The following PGM5 variants were observed in gnomAD, a reference collection of about 807,000 sequenced individuals.
PGM5 encodes the protein phosphoglucomutase 5.
A neutral mutation model predicts 59.2 loss-of-function variants in PGM5; 23 were observed. The observed-to-expected ratio is 0.39, with a 90% confidence interval of 0.28 to 0.55. The LOEUF (loss-of-function observed/expected upper bound fraction) is 0.55, where lower values mean the gene tolerates loss of function less well. PGM5 is among the 20% of genes least tolerant of loss of function. PGM5 has a pLI of 0.66. For missense variants in PGM5, 574 were observed against 748.3 expected (o/e 0.77, Z 2.72); for synonymous variants, 214 against 286.0 (o/e 0.75, Z 2.54).
At chr9:68,403,665 G>A (rs1822726298) in intron 6 of PGM5, among the ~76,000 whole-genome samples, 1 of 152,106 alleles carries the variant, frequency 6.6e-6, no homozygotes, top group Admixed American at 6.6e-5. Flanking sequence ...GTCAATATTG[G>A]TACCAGATTA....
chr9:68,523,246 C>A lies in PGM5; in HGVS notation c.1615-6321C>A, dbSNP rs528114319. ...AGCCTGGGTTTGGGCTGGAGCAAAG[C>A]ATTTGACAGGCACAATAATTAGAGT... is the stretch of plus-strand genomic sequence containing the variant. On this transcript the variant is annotated intron_variant, in intron 10 of 10. Transcript: ENST00000396396. 9.9e-5 allele frequency among the ~76,000 whole-genome samples: 15 copies of A among 152,278 alleles called. No homozygotes were observed. In the East Asian group the frequency reaches 2.9e-3, roughly 29 times the overall value.
intron 6 of PGM5, among the ~76,000 whole-genome samples, chr9:68,410,196 G>GA (rs1422218313): frequency 6.6e-6 from 1 of 152,248 alleles, no homozygotes; most frequent in African/African-American, 2.4e-5. Context: ...GAGATTCATG[G>GA]AAGTGGATAG....
chr9:68,436,960 T>C (rs571847222), intron 6 of PGM5, among the ~76,000 whole-genome samples: 1 of 152,328 alleles, frequency 6.6e-6, no homozygotes, highest in Admixed American at 6.5e-5. Flanking sequence ...ATCAGCTAAG[T>C]GAACCAGCTT....
chr9:68,383,740 TAAAAAAAA>T (rs61055122), intron 2 of PGM5, among the ~76,000 whole-genome samples: 1 of 106,302 alleles, frequency 9.4e-6, no homozygotes, highest in Non-Finnish European at 1.9e-5. Context: ...ATATACAAGG[TAAAAAAAA>T]AAAAAAAAAA....
At chr9:68,400,591 A>G (rs1320502831) in intron 6 of PGM5, 2 of 152,660 alleles carry the variant, frequency 1.3e-5, no homozygotes, top group East Asian at 1.9e-4. Flanking sequence ...ACTTTTTTAC[A>G]AAGAGACATC....
chr9:68,483,129 T>G (rs544807489), intron 8 of PGM5, among the ~76,000 whole-genome samples: 1 of 152,288 alleles, frequency 6.6e-6, no homozygotes, highest in East Asian at 1.9e-4. Context: ...TCTACTTACA[T>G]AGAACTTACT....
At chr9:68,401,452 A>G (rs1822664270) in intron 6 of PGM5, among the ~76,000 whole-genome samples, 1 of 152,208 alleles carries the variant, frequency 6.6e-6, no homozygotes, top group African/African-American at 2.4e-5. Context: ...TAGGGTGTCC[A>G]GCAGCCTATT....
chr9:68,497,288 A>G (rs1824497100), intron 9 of PGM5: 1 of 152,198 alleles, frequency 6.6e-6, no homozygotes, highest in African/African-American at 2.4e-5. Flanking sequence ...TATACCCAGG[A>G]TTTAGCACAG....
At chr9:68,443,578 C>A (rs1823563750) in intron 6 of PGM5, among the ~76,000 whole-genome samples, 1 of 152,226 alleles carries the variant, frequency 6.6e-6, no homozygotes, top group South Asian at 2.1e-4. Context: ...CGTACCACTT[C>A]TCTGGAGCAA....
At chr9:68,445,814 T>C (rs187572075) in intron 6 of PGM5, among the ~76,000 whole-genome samples, 124 of 152,356 alleles carry the variant, frequency 8.1e-4, no homozygotes, top group Non-Finnish European at 1.4e-3. Context: ...CACCTCTCAT[T>C]TGGGGAGTTA....
chr9:68,444,709 C>T (rs782557751), intron 6 of PGM5, among the ~76,000 whole-genome samples: 16 of 152,136 alleles, frequency 1.1e-4, no homozygotes, highest in Non-Finnish European at 1.5e-5. Context: ...AAAAGTAAAC[C>T]AGTGGTCTCT....
At chr9:68,525,342 G>A (rs147884168) in intron 10 of PGM5, among the ~76,000 whole-genome samples, 29 of 152,264 alleles carry the variant, frequency 1.9e-4, no homozygotes, top group African/African-American at 4.3e-4. Context: ...CCCTGAATAA[G>A]ACAAAGTTTC....
intron 6 of PGM5, among the ~76,000 whole-genome samples, chr9:68,403,690 C>T (rs1554680872): frequency 6.6e-6 from 1 of 151,988 alleles, no homozygotes; most frequent in African/African-American, 2.4e-5. Context: ...GCTCAAGCCT[C>T]ATAATCTCTT....
At chr9:68,417,491 T>C (rs1010914613) in intron 6 of PGM5, among the ~76,000 whole-genome samples, 3 of 152,186 alleles carry the variant, frequency 2.0e-5, no homozygotes, top group Non-Finnish European at 4.4e-5. Flanking sequence ...TCCTGGATGA[T>C]CCATGTCATG....
chr9:68,361,620 A>T (rs1834581805), intron 1 of PGM5, among the ~76,000 whole-genome samples: 1 of 152,222 alleles, frequency 6.6e-6, no homozygotes, highest in African/African-American at 2.4e-5. Flanking sequence ...CTGGGCCCTC[A>T]CATAGTGGGA....
intron 8 of PGM5, among the ~76,000 whole-genome samples, chr9:68,482,105 G>C (rs1159087440): frequency 1.3e-5 from 2 of 152,252 alleles, no homozygotes; most frequent in African/African-American, 2.4e-5. Flanking sequence ...CGGGGATTTG[G>C]GGGTGGAAGG....
chr9:68,468,100 G>A (rs1315275935), intron 7 of PGM5, among the ~76,000 whole-genome samples: 3 of 150,202 alleles, frequency 2.0e-5, no homozygotes, highest in East Asian at 1.9e-4. Context: ...ATGTCACAGG[G>A]GTTTGTGGTA....
rs11142391 is a variant in PGM5 at position 68,437,846 on chromosome 9, G to A, written c.1044-27247G>A. 0.038 allele frequency among the ~76,000 whole-genome samples: 5,819 copies of A among 152,246 alleles called. 141 individuals carry two copies. The highest frequency in any genetic ancestry group is 0.089 in the East Asian group (461 of 5,184). ...CATTTCCCTATAGCAATATTTGTCT[G>A]AAGCTGAGTGGAGGCTGTTTCTAAC... On this transcript the variant is annotated intron_variant, in intron 6 of 10. Transcript: ENST00000396396. This position sits in a 1 kb window ranked among gnomAD's most constrained non-coding sequence, Gnocchi z 4.1.
chr9:68,393,432 C>T (rs566830696), intron 6 of PGM5, among the ~76,000 whole-genome samples: 100 of 152,088 alleles, frequency 6.6e-4, no homozygotes, highest in African/African-American at 2.0e-3. Flanking sequence ...TCTTTTCCAT[C>T]AACAATTGCC....
Sources: gnomAD v4.1 joint callset for allele counts (sites outside exome capture counted in the v4.1 genomes callset) on GRCh38, gnomAD v4.1.1 for gene constraint, Gnocchi (gnomAD v3.1) non-coding constraint, MANE v1.5 for transcripts, NCBI Gene and HGNC (gene_info 2026-07-23, HGNC 2026-07-21) for gene names.